The following PRKG2 variants were observed in gnomAD, a reference collection of about 807,000 sequenced individuals.
The protein encoded by PRKG2 is protein kinase cGMP-dependent 2, also known as cGMP-dependent protein kinase 2.
A neutral mutation model predicts 97.2 loss-of-function variants in PRKG2; 33 were observed. That is an observed-to-expected ratio of 0.34 (90% CI 0.26 to 0.45). The LOEUF (loss-of-function observed/expected upper bound fraction) is 0.45. Among genes scored for constraint, PRKG2 ranks in the 20% least tolerant of loss-of-function variants. The probability of loss-of-function intolerance (pLI) is 1.00; values close to 1 mark genes in which losing one functional copy is unlikely to be tolerated. For missense variants in PRKG2, 638 were observed against 900.0 expected (o/e 0.71, Z 3.73); for synonymous variants, 330 against 321.8 (o/e 1.03, Z -0.27).
chr4:81,152,875 C>T (rs575820028), intron 7 of PRKG2, among the ~76,000 whole-genome samples: 268 of 152,304 alleles, frequency 1.8e-3, no homozygotes, highest in Middle Eastern at 6.8e-3. Context: ...TTTTCCTTCA[C>T]TTGGGGCCAA....
At chr4:81,172,295 T>TCATAAAAACA (rs1282196057) in intron 3 of PRKG2, among the ~76,000 whole-genome samples, 1 of 152,080 alleles carries the variant, frequency 6.6e-6, no homozygotes, top group African/African-American at 2.4e-5. Flanking sequence ...TCACTGTATG[T>TCATAAAAACA]CATAAAAACA....
chr4:81,172,923 ACACT>A (rs1253823031), intron 3 of PRKG2, among the ~76,000 whole-genome samples: 7 of 152,106 alleles, frequency 4.6e-5, no homozygotes, highest in Non-Finnish European at 2.9e-5. Flanking sequence ...AGGAAAAAAA[ACACT>A]CAGTTCTGGC....
At chr4:81,092,060 T>G (rs894062484) in intron 18 of PRKG2, among the ~76,000 whole-genome samples, 2 of 152,192 alleles carry the variant, frequency 1.3e-5, no homozygotes, top group African/African-American at 4.8e-5. Context: ...AAAATGGCTA[T>G]TAGAAAATCT....
At chr4:81,162,800 T>C (rs1749680763) in intron 6 of PRKG2, among the ~76,000 whole-genome samples, 1 of 152,174 alleles carries the variant, frequency 6.6e-6, no homozygotes, top group Non-Finnish European at 1.5e-5. Flanking sequence ...CAATGTTCTT[T>C]GCTATAGCTG....
Position 81,099,215 on chromosome 4 carries a change from T to A in PRKG2, c.2126+5155A>T, listed in dbSNP as rs146304020. On this transcript the variant is annotated intron_variant, in intron 17 of 18. Coordinates refer to ENST00000264399, the MANE Select transcript of PRKG2 (RefSeq NM_006259.3). Reference sequence around the variant, plus strand: ...TATAGAATGGACAGATAGATACAACTGTATTGTTTTAAAATACCAAAGCCT... The same window carrying A: ...TATAGAATGGACAGATAGATACAACAGTATTGTTTTAAAATACCAAAGCCT... Among the ~76,000 whole-genome samples the A allele has an allele frequency of 2.0e-5, 3 of 152,302 alleles. No individual in the cohort carries two copies. The East Asian group carries it at 5.8e-4, about 29-fold the overall frequency.
At chr4:81,159,675 C>T (rs1376560211) in intron 6 of PRKG2, among the ~76,000 whole-genome samples, 1 of 151,964 alleles carries the variant, frequency 6.6e-6, no homozygotes, top group African/African-American at 2.4e-5. Flanking sequence ...TTTATTGTGG[C>T]ACTATTCACA....
intron 15 of PRKG2, among the ~76,000 whole-genome samples, chr4:81,106,432 G>A (rs1355218420): frequency 6.6e-6 from 1 of 152,124 alleles, no homozygotes; most frequent in African/African-American, 2.4e-5. Flanking sequence ...AGCAAGAGGG[G>A]AGTACATAGA....
At chr4:81,097,377 C>G (rs1742229032) in intron 17 of PRKG2, among the ~76,000 whole-genome samples, 1 of 152,082 alleles carries the variant, frequency 6.6e-6, no homozygotes. Flanking sequence ...ATTCTGTAAA[C>G]AGATATGGTG....
At chr4:81,103,827 T>C (rs535663386) in intron 17 of PRKG2, among the ~76,000 whole-genome samples, 259 of 152,094 alleles carry the variant, frequency 1.7e-3, no homozygotes, top group Non-Finnish European at 2.1e-3. Flanking sequence ...GGTCAGGAGT[T>C]TGAGACCAGC....
upstream of PRKG2, among the ~76,000 whole-genome samples, chr4:81,215,387 T>A (rs1265003590): frequency 6.6e-6 from 1 of 152,228 alleles, no homozygotes; most frequent in Admixed American, 6.5e-5. Context: ...AGCCGCAGTC[T>A]GCACTTTATA....
At chr4:81,112,964 G>A (rs1744134178) in intron 14 of PRKG2, among the ~76,000 whole-genome samples, 1 of 152,142 alleles carries the variant, frequency 6.6e-6, no homozygotes, top group African/African-American at 2.4e-5. Context: ...GACTCACTGA[G>A]GCGGTAGCAT....
chr4:81,169,081 A>C (rs1273760028), intron 5 of PRKG2, among the ~76,000 whole-genome samples: 1 of 151,974 alleles, frequency 6.6e-6, no homozygotes, highest in African/African-American at 2.4e-5. Context: ...TTTCCTTATA[A>C]ATTGATTCAT....
At chr4:81,104,590 T>A (rs954645107) in intron 16 of PRKG2, among the ~76,000 whole-genome samples, 158 bp from the exon 17 acceptor site, 1 of 151,950 alleles carries the variant, frequency 6.6e-6, no homozygotes, top group Non-Finnish European at 1.5e-5. Context: ...AGACCAGACA[T>A]CTGAGTTTAG....
rs539563086 is a variant in PRKG2, at chr4:81,180,459, T to C, written c.462-5500A>G. Reference sequence around the variant, plus strand: ...TAAAAAAGTGGAAAAAGATATACTATGTAAACATCAATTAAAAATAAATTT... The same window carrying C: ...TAAAAAAGTGGAAAAAGATATACTACGTAAACATCAATTAAAAATAAATTT... On this transcript the variant is annotated intron_variant, in intron 2 of 18. Coordinates refer to ENST00000264399, the MANE Select transcript of PRKG2 (RefSeq NM_006259.3). 4.6e-5 allele frequency among the ~76,000 whole-genome samples: 7 copies of C among 152,236 alleles called. No homozygotes were observed. In the South Asian group the frequency reaches 1.2e-3, roughly 27 times the overall value.
chr4:81,180,445 A>G (rs1170650598), intron 2 of PRKG2, among the ~76,000 whole-genome samples: 1 of 152,152 alleles, frequency 6.6e-6, no homozygotes, highest in Non-Finnish European at 1.5e-5. Context: ...AAAAAAGTGG[A>G]AAAAGATATA....
rs116009482 is a variant in PRKG2 at position 81,179,631 on chromosome 4, C to A, written c.462-4672G>T. On this transcript the variant is annotated intron_variant, in intron 2 of 18. Transcript: ENST00000264399. The stretch of plus-strand genomic sequence containing the variant: ...AAGAAAGCTTGTATTTATTAAAAAG[C>A]AATAATAATACCTTGTGCGGTGTAA... 2.0e-3 allele frequency among the ~76,000 whole-genome samples: 306 copies of A among 151,936 alleles called. 3 individuals are homozygous for A. Among genetic ancestry groups the A allele is most frequent in the African/African-American group, 7.0e-3 (292 of 41,426 alleles).
chr4:81,153,730 A>G lies in PRKG2; in HGVS notation c.913-9T>C, dbSNP rs1414952014. ...CCTTTGTCATAGTATTCCTGTTGGGATGAGAGAGAAAGAAAATGTAAGAGC... is the reference window on the plus strand; with the variant it reads ...CCTTTGTCATAGTATTCCTGTTGGGGTGAGAGAGAAAGAAAATGTAAGAGC... On this transcript the variant is annotated splice_polypyrimidine_tract_variant and intron_variant, in intron 6 of 18. Coordinates refer to ENST00000264399, the MANE Select transcript of PRKG2 (RefSeq NM_006259.3). 6.3e-7 allele frequency: 1 copy of G among 1,587,548 alleles called. No individual in the cohort carries two copies. Among genetic ancestry groups the G allele is most frequent in the South Asian group, 1.1e-5 (1 of 90,380 alleles).
At chr4:81,150,442 G>A (rs773516882) in intron 8 of PRKG2, among the ~76,000 whole-genome samples, 10 of 152,050 alleles carry the variant, frequency 6.6e-5, no homozygotes, top group Non-Finnish European at 1.3e-4. Context: ...ACTGAATCAC[G>A]GTCAGTGGCC....
intron 14 of PRKG2, among the ~76,000 whole-genome samples, chr4:81,122,557 T>C (rs1185803505): frequency 6.6e-6 from 1 of 152,152 alleles, no homozygotes; most frequent in Non-Finnish European, 1.5e-5. Flanking sequence ...GACACACCAT[T>C]ACAGACTCCA....
Sources: gnomAD v4.1 joint callset for allele counts (sites outside exome capture counted in the v4.1 genomes callset) on GRCh38, gnomAD v4.1.1 for gene constraint, MANE v1.5 for transcripts, NCBI Gene and HGNC (gene_info 2026-07-23, HGNC 2026-07-21) for gene names.